UBALD2: variants seen among roughly 807,000 people sequenced by gnomAD.
The protein encoded by UBALD2 is UBA-like domain-containing protein 2.
UBALD2 carries 8 observed loss-of-function variants against 15.9 expected under a neutral mutation model. That is an observed-to-expected ratio of 0.50 (90% CI 0.29 to 0.91). The LOEUF (loss-of-function observed/expected upper bound fraction) is 0.91, where lower values mean the gene tolerates loss of function less well. Ranked by LOEUF, UBALD2 falls within the 40% of genes least tolerant of loss-of-function variation. The pLI is 0.07. For synonymous variants in UBALD2, 113 were observed against 97.7 expected, an observed-to-expected ratio of 1.16 and a Z score of -0.93; for missense variants, 178 against 234.8, an observed-to-expected ratio of 0.76 and a Z score of 1.58.
intron 2 of UBALD2, among the ~76,000 whole-genome samples, chr17:76,267,435 T>G (rs1305552556): frequency 1.3e-5 from 2 of 151,758 alleles, no homozygotes; most frequent in Non-Finnish European, 2.9e-5. Context: ...CAAGTCTGAG[T>G]GCCTTAGCAG....
chr17:76,270,771 C>T lies in UBALD2; in HGVS notation c.*266C>T, dbSNP rs1469012101. The T allele has an allele frequency of 2.1e-5, 6 of 281,472 alleles. No individual in the cohort carries two copies. The highest frequency in any genetic ancestry group is 1.4e-4 in the South Asian group (1 of 7,284). The allele number at this position is 281,472 out of a possible 1,614,324, so 17.4% of individuals were successfully genotyped here. Reference sequence around the variant, plus strand: ...TGAATAGATAAATATAACTAATGTGCGTGAGAATGGGCCTGGCACACCTGG... The same window carrying T: ...TGAATAGATAAATATAACTAATGTGTGTGAGAATGGGCCTGGCACACCTGG... On this transcript the variant is annotated 3_prime_UTR_variant, in exon 3 of 3. Coordinates refer to ENST00000327490, the MANE Select transcript of UBALD2 (RefSeq NM_182565.4).
chr17:76,269,596 G>T lies in UBALD2; in HGVS notation c.184-598G>T, dbSNP rs1320962345. Reference sequence around the variant, plus strand: ...TTTCGGGCAAGTGACTTGACTTCTGGGCCTCAGTTTCCTCATTTGTCATAA... The same window carrying T: ...TTTCGGGCAAGTGACTTGACTTCTGTGCCTCAGTTTCCTCATTTGTCATAA... On this transcript the variant is annotated intron_variant, in intron 2 of 2. Coordinates refer to ENST00000327490, the MANE Select transcript of UBALD2 (RefSeq NM_182565.4). This position sits in a 1 kb window ranked among gnomAD's most constrained non-coding sequence, Gnocchi z 4.6. Among the ~76,000 whole-genome samples, 3 of 152,132 alleles carry T rather than the reference G, an allele frequency of 2.0e-5. No homozygotes were observed. The highest frequency in any genetic ancestry group is 2.9e-5 in the Non-Finnish European group (2 of 68,030).
chr17:76,265,668 G>A (rs2070539256), intron 1 of UBALD2, 43 bp downstream of exon 1: 1 of 1,151,472 alleles, frequency 8.7e-7, no homozygotes. Flanking sequence ...GGGGGTCGGG[G>A]ACGCCGGGCG....
Position 76,270,469 on chromosome 17 carries a change from G to A in UBALD2, c.459G>A (p.Gln153=). ...WPPGAQQGGA[Q]QKAMAAMDGQ... ...CAGGAGCACAGCAGGGGGGCGCCCAGCAGAAAGCCATGGCGGCCATGGACG... is the reference window on the plus strand; with the variant it reads ...CAGGAGCACAGCAGGGGGGCGCCCAACAGAAAGCCATGGCGGCCATGGACG... The change falls in exon 3 of 3, where the codon CAG becomes CAA. Residue 153 remains glutamine (Q), a synonymous_variant. Transcript: ENST00000327490. The A allele has an allele frequency of 7.0e-7, 1 of 1,433,568 alleles. No individual in the cohort carries two copies. The highest frequency in any genetic ancestry group is 1.4e-5 in the South Asian group (1 of 73,916). The allele number at this position is 1,433,568 out of a possible 1,614,324, so 88.8% of individuals were successfully genotyped here.
chr17:76,268,852 A>G (rs1252586424), intron 2 of UBALD2, among the ~76,000 whole-genome samples: 4 of 144,938 alleles, frequency 2.8e-5, no homozygotes, highest in African/African-American at 1.0e-4. Context: ...TCCGGCCTCA[A>G]CCTCCCAAGT....
At chr17:76,270,041 G>A (rs1182287516) in intron 2 of UBALD2, among the ~76,000 whole-genome samples, 153 bp from the exon 3 acceptor site, 1 of 152,166 alleles carries the variant, frequency 6.6e-6, no homozygotes, top group Non-Finnish European at 1.5e-5. Context: ...TATTGCCTCG[G>A]GGAGAGGGCA....
intron 2 of UBALD2, among the ~76,000 whole-genome samples, chr17:76,266,556 C>T (rs1459266777): frequency 6.6e-6 from 1 of 152,198 alleles, no homozygotes. Flanking sequence ...CATACATCCC[C>T]CAAGCCAGGA....
chr17:76,267,121 G>A (rs1344577331), intron 2 of UBALD2, among the ~76,000 whole-genome samples: 2 of 152,130 alleles, frequency 1.3e-5, no homozygotes, highest in African/African-American at 4.8e-5. Context: ...TTGACCAGGA[G>A]AAATGGCCAG....
At chr17:76,268,354 C>T (rs1055557812) in intron 2 of UBALD2, among the ~76,000 whole-genome samples, 1 of 152,200 alleles carries the variant, frequency 6.6e-6, no homozygotes, top group Non-Finnish European at 1.5e-5. Flanking sequence ...TGTTCTCTGG[C>T]GGCTGTTTGA....
Position 76,269,093 on chromosome 17 carries a change from G to C in UBALD2, c.184-1101G>C, listed in dbSNP as rs943245614. 8.5e-5 allele frequency among the ~76,000 whole-genome samples: 13 copies of C among 152,232 alleles called. No homozygotes were observed. The South Asian group carries it at 2.5e-3, about 29-fold the overall frequency. On this transcript the variant is annotated intron_variant, in intron 2 of 2. Transcript: ENST00000327490. The surrounding 1 kb of genome is among the most constrained non-coding windows in gnomAD (Gnocchi z 4.6). ...GTCGTTCCCCCAACTCCTGCGCCTG[G>C]GGGAGGGGCCAGTGTTGCTAAAATT...
chr17:76,265,394 G>GGA lies in UBALD2; in HGVS notation c.-111_-110insAG. ...GCGGCGGAGCGGGCGGCGGAGCGGC[G>GGA]GCAGCAGCGGTGAGCGCGAGCCCCG... On this transcript the variant is annotated 5_prime_UTR_variant, in exon 1 of 3. Transcript: ENST00000327490. 1.1e-6 allele frequency: 1 copy of GGA among 940,540 alleles called. No individual in the cohort carries two copies. The highest frequency in any genetic ancestry group is 1.3e-6 in the Non-Finnish European group (1 of 791,790). 58.3% of individuals were successfully genotyped at this position (940,540 alleles called of 1,614,324 possible).
chr17:76,267,490 C>CTTTTTTTTTTT, intron 2 of UBALD2, among the ~76,000 whole-genome samples: 1 of 115,162 alleles, frequency 8.7e-6, no homozygotes, highest in Non-Finnish European at 1.7e-5. Context: ...TTCATGGTTT[C>CTTTTTTTTTTT]TTTTTTTTTT....
intron 2 of UBALD2, among the ~76,000 whole-genome samples, chr17:76,268,676 GTA>G (rs2070562932): frequency 1.3e-5 from 2 of 151,084 alleles, no homozygotes; most frequent in African/African-American, 4.9e-5. Context: ...CCCATTCCAT[GTA>G]TGTTACACAC....
In UBALD2 at chr17:76,270,378, C is replaced by T. The variant is rs758262682; in HGVS notation, c.368C>T (p.Pro123Leu). The T allele has an allele frequency of 6.5e-7, 1 of 1,542,022 alleles. No individual in the cohort carries two copies. The highest frequency in any genetic ancestry group is 8.7e-7 in the Non-Finnish European group (1 of 1,147,726). The change falls in exon 3 of 3, where the codon CCC becomes CTC. Residue 123 changes from proline to leucine, a missense_variant. Physicochemically the swap from Pro to Leu is moderately conservative, Grantham distance 98. Coordinates refer to ENST00000327490, the MANE Select transcript of UBALD2 (RefSeq NM_182565.4). Reference protein sequence around the residue: ...WASSPPSHQAPWIPPSSPTTF... With the variant: ...WASSPPSHQALWIPPSSPTTF... The stretch of plus-strand genomic sequence containing the variant: ...TCGTCCCCGCCCAGCCACCAGGCGC[C>T]CTGGATCCCGCCCTCCTCCCCCACC...
chr17:76,270,104 G>C, intron 2 of UBALD2, 90 bp from the exon 3 acceptor site: 1 of 1,339,616 alleles, frequency 7.5e-7, no homozygotes, highest in Non-Finnish European at 1.0e-6. Flanking sequence ...TGAAAAATGG[G>C]AGTAAAGGAG....
intron 2 of UBALD2, among the ~76,000 whole-genome samples, chr17:76,266,353 T>C (rs2070545754): frequency 6.6e-6 from 1 of 151,876 alleles, no homozygotes; most frequent in Non-Finnish European, 1.5e-5. Flanking sequence ...GGGAGGGCGA[T>C]GGGGGTGCTT....
intron 2 of UBALD2, among the ~76,000 whole-genome samples, chr17:76,268,494 G>T (rs926740913): frequency 1.3e-5 from 2 of 151,814 alleles, no homozygotes; most frequent in Non-Finnish European, 2.9e-5. Context: ...AGGGTGGGGG[G>T]GGGGCAGGGA....
At chr17:76,268,451 C>T (rs1312114778) in intron 2 of UBALD2, among the ~76,000 whole-genome samples, 1 of 150,572 alleles carries the variant, frequency 6.6e-6, no homozygotes, top group Non-Finnish European at 1.5e-5. Flanking sequence ...ACCCTTCATT[C>T]ATTGTTTCCT....
chr17:76,265,770 T>A, intron 1 of UBALD2, 137 bp from the exon 2 acceptor site: 1 of 1,366,396 alleles, frequency 7.3e-7, no homozygotes, highest in Non-Finnish European at 9.6e-7. Flanking sequence ...CGGGACCGGC[T>A]CCCCTCTGCA....
Sources: gnomAD v4.1 joint callset for allele counts (sites outside exome capture counted in the v4.1 genomes callset) on GRCh38, gnomAD v4.1.1 for gene constraint, Gnocchi (gnomAD v3.1) non-coding constraint, MANE v1.5 for transcripts, NCBI Gene and HGNC (gene_info 2026-07-23, HGNC 2026-07-21) for gene names.